The following OSBP2 variants were observed in gnomAD, a reference collection of about 807,000 sequenced individuals.
OSBP2 encodes oxysterol-binding protein 2.
OSBP2 carries 66 observed loss-of-function variants against 96.0 expected under a neutral mutation model. The ratio of observed to expected loss-of-function variants is 0.69; its 90% CI spans 0.56 to 0.84. The LOEUF (loss-of-function observed/expected upper bound fraction) is 0.84, where lower values mean the gene tolerates loss of function less well. OSBP2 is among the 40% of genes least tolerant of loss of function. The pLI is 0.00. For synonymous variants in OSBP2, 525 were observed against 520.9 expected (o/e 1.01, Z -0.11); for missense variants, 1,038 against 1,222.7 (o/e 0.85, Z 2.25).
intron 12 of OSBP2, among the ~76,000 whole-genome samples, chr22:30,896,530 GCACA>G (rs774987580): frequency 8.6e-5 from 13 of 151,794 alleles, no homozygotes; most frequent in Admixed American, 5.9e-4. Flanking sequence ...TTAAAAAGTA[GCACA>G]AACAAAAACT....
intron 1 of OSBP2, among the ~76,000 whole-genome samples, chr22:30,736,007 A>C (rs1239958996): frequency 6.6e-6 from 1 of 152,042 alleles, no homozygotes; most frequent in Non-Finnish European, 1.5e-5. Flanking sequence ...TCTGCCTCCC[A>C]GGTTCAAGTG....
intron 2 of OSBP2, among the ~76,000 whole-genome samples, chr22:30,847,060 T>C (rs531344045): frequency 6.6e-6 from 1 of 152,048 alleles, no homozygotes; most frequent in African/African-American, 2.4e-5. Context: ...TCACTGCAAC[T>C]TCCACCTCCC....
chr22:30,783,901 T>G (rs2145812979), intron 2 of OSBP2, among the ~76,000 whole-genome samples: 1 of 152,308 alleles, frequency 6.6e-6, no homozygotes, highest in South Asian at 2.1e-4. Context: ...AGAGGAGAGC[T>G]TGGGTCTGGG....
chr22:30,739,635 C>T (rs577476843), intron 1 of OSBP2, among the ~76,000 whole-genome samples: 13 of 152,144 alleles, frequency 8.5e-5, no homozygotes, highest in East Asian at 5.8e-4. Context: ...CTACCATGCC[C>T]GGCTAATTTT....
chr22:30,712,802 T>G (rs1253223214), intron 1 of OSBP2, among the ~76,000 whole-genome samples: 1 of 152,160 alleles, frequency 6.6e-6, no homozygotes, highest in Non-Finnish European at 1.5e-5. Context: ...CTTTATTCTT[T>G]TATTTATTTA....
intron 3 of OSBP2, among the ~76,000 whole-genome samples, chr22:30,885,291 A>C (rs1248306972): frequency 1.3e-5 from 2 of 152,112 alleles, no homozygotes; most frequent in Admixed American, 6.5e-5. Flanking sequence ...CGGGCCAAGG[A>C]AACGTCCCTT....
intron 2 of OSBP2, among the ~76,000 whole-genome samples, chr22:30,790,342 T>C (rs1362446180): frequency 6.6e-6 from 1 of 152,092 alleles, no homozygotes; most frequent in East Asian, 1.9e-4. Flanking sequence ...TTTGACAGCT[T>C]GAAACTACAT....
intron 2 of OSBP2, among the ~76,000 whole-genome samples, chr22:30,759,594 A>G (rs1225640038): frequency 6.6e-6 from 1 of 152,232 alleles, no homozygotes; most frequent in Non-Finnish European, 1.5e-5. Flanking sequence ...TCTGCTGACA[A>G]ATTTGACAAC....
chr22:30,871,837 C>T lies in OSBP2; in HGVS notation c.1107+1155C>T, dbSNP rs573805125. 1.3e-3 allele frequency among the ~76,000 whole-genome samples: 203 copies of T among 152,366 alleles called. No individual in the cohort carries two copies. The highest frequency in any genetic ancestry group is 4.8e-3 in the African/African-American group (200 of 41,602). On this transcript the variant is annotated intron_variant, in intron 3 of 13. Transcript: ENST00000332585. This position sits in a 1 kb window ranked among gnomAD's most constrained non-coding sequence, Gnocchi z 4.7. ...TCCAAGACCTGCCCCAAGCCGGCTT[C>T]ACTGGCCTGTTGGCAGCATGATTGT...
chr22:30,775,364 T>G (rs1164997905), intron 2 of OSBP2, among the ~76,000 whole-genome samples: 1 of 152,086 alleles, frequency 6.6e-6, no homozygotes, highest in East Asian at 1.9e-4. Context: ...TCCCAGCACT[T>G]TGGAAGGCTG....
At chr22:30,723,419 A>G (rs1393131480) in intron 1 of OSBP2, among the ~76,000 whole-genome samples, 2 of 148,030 alleles carry the variant, frequency 1.4e-5, no homozygotes, top group Non-Finnish European at 3.0e-5. Flanking sequence ...TTATTTATGT[A>G]TTTATTTTTC....
intron 2 of OSBP2, among the ~76,000 whole-genome samples, chr22:30,850,600 A>G (rs1299237825): frequency 6.6e-6 from 1 of 151,824 alleles, no homozygotes; most frequent in East Asian, 2.0e-4. Flanking sequence ...CCTGGGTTCA[A>G]ACAATACTCC....
At chr22:30,824,233 C>G (rs2038346271) in intron 2 of OSBP2, among the ~76,000 whole-genome samples, 2 of 152,132 alleles carry the variant, frequency 1.3e-5, no homozygotes, top group South Asian at 4.1e-4. Flanking sequence ...GGTGTCCTGC[C>G]CTGCACAGCA....
At chr22:30,899,399 T>G (rs1602442150) in intron 12 of OSBP2, among the ~76,000 whole-genome samples, 1 of 122,798 alleles carries the variant, frequency 8.1e-6, no homozygotes, top group Non-Finnish European at 1.7e-5. Context: ...GCAGACCCTA[T>G]CTCAAAAAAA....
chr22:30,787,250 T>C (rs1363941954), intron 2 of OSBP2, among the ~76,000 whole-genome samples: 1 of 151,990 alleles, frequency 6.6e-6, no homozygotes, highest in East Asian at 1.9e-4. Flanking sequence ...AAACTTACAG[T>C]CATGGCGGAA....
At chr22:30,789,637 G>A (rs953234169) in intron 2 of OSBP2, among the ~76,000 whole-genome samples, 2 of 152,194 alleles carry the variant, frequency 1.3e-5, no homozygotes, top group African/African-American at 2.4e-5. Flanking sequence ...TCACCCATTG[G>A]AACAAGCATT....
At chr22:30,841,025 T>C (rs2038742043) in intron 2 of OSBP2, among the ~76,000 whole-genome samples, 1 of 151,740 alleles carries the variant, frequency 6.6e-6, no homozygotes, top group Non-Finnish European at 1.5e-5. Flanking sequence ...ATTAACCAGG[T>C]GTGATGGCGG....
chr22:30,830,251 T>C (rs1229855080), intron 2 of OSBP2, among the ~76,000 whole-genome samples: 3 of 152,248 alleles, frequency 2.0e-5, no homozygotes, highest in Non-Finnish European at 4.4e-5. Flanking sequence ...AATTTCCTTT[T>C]ATGTCCTGTT....
chr22:30,705,599 G>C (rs935277727), intron 1 of OSBP2, among the ~76,000 whole-genome samples: 1 of 152,088 alleles, frequency 6.6e-6, no homozygotes, highest in Non-Finnish European at 1.5e-5. Flanking sequence ...GGCCTCCCCA[G>C]TATTTTTGCG....
Sources: gnomAD v4.1 joint callset for allele counts (sites outside exome capture counted in the v4.1 genomes callset) on GRCh38, gnomAD v4.1.1 for gene constraint, Gnocchi (gnomAD v3.1) non-coding constraint, MANE v1.5 for transcripts, NCBI Gene and HGNC (gene_info 2026-07-23, HGNC 2026-07-21) for gene names.